PRKG2: variants seen among roughly 807,000 people sequenced by gnomAD.
PRKG2 encodes the protein protein kinase cGMP-dependent 2, also known as cGMP-dependent protein kinase 2.
Under a neutral mutation model 97.2 loss-of-function variants are expected in PRKG2, and 33 were observed. The ratio of observed to expected loss-of-function variants is 0.34; its 90% CI spans 0.26 to 0.45. The LOEUF (loss-of-function observed/expected upper bound fraction) is 0.45, where lower values mean the gene tolerates loss of function less well. Ranked by LOEUF, PRKG2 falls within the 20% of genes least tolerant of loss-of-function variation. The pLI is 1.00. For synonymous variants in PRKG2, 330 were observed against 321.8 expected, an observed-to-expected ratio of 1.03 and a Z score of -0.27; for missense variants, 638 against 900.0, an observed-to-expected ratio of 0.71 and a Z score of 3.73.
rs151098655 is a variant in PRKG2, at chr4:81,171,718, T to G, written c.715A>C (p.Asn239His). The G allele has an allele frequency of 6.2e-7, 1 of 1,609,414 alleles. No homozygotes were observed. The highest frequency in any genetic ancestry group is 8.5e-7 in the Non-Finnish European group (1 of 1,177,902). ...TTCACAGAGGCAGTCCTTGTACAAT[T>G]GTATAAAATGGCAAGCTCCCCAAAT... Reference protein sequence around the residue: ...TTFGELAILYNCTRTASVKAI... With the variant: ...TTFGELAILYHCTRTASVKAI... Residue 239 changes from asparagine to histidine, a missense_variant, in exon 4 of 19, where the codon AAT becomes CAT. By Grantham distance (68) the Asn-to-His change is moderately conservative. Transcript: ENST00000264399.
intron 5 of PRKG2, among the ~76,000 whole-genome samples, chr4:81,169,254 T>C (rs1750253343): frequency 2.0e-5 from 3 of 152,006 alleles, no homozygotes; most frequent in Non-Finnish European, 4.4e-5. Flanking sequence ...GTAAAGCAAA[T>C]AAGCATAGTA....
At chr4:81,099,412 G>A (rs532767919) in intron 17 of PRKG2, among the ~76,000 whole-genome samples, 32 of 152,150 alleles carry the variant, frequency 2.1e-4, no homozygotes, top group Admixed American at 1.0e-3. Flanking sequence ...TTCAATATAC[G>A]CAAATCAATA....
chr4:81,117,931 A>T (rs1305682524), intron 14 of PRKG2, among the ~76,000 whole-genome samples: 4 of 152,146 alleles, frequency 2.6e-5, no homozygotes, highest in African/African-American at 9.7e-5. Flanking sequence ...ACAGGTATCC[A>T]CCGCTGCAGT....
chr4:81,215,930 T>G (rs1472033358), upstream of PRKG2, among the ~76,000 whole-genome samples: 4 of 152,006 alleles, frequency 2.6e-5, no homozygotes, highest in African/African-American at 9.7e-5. Flanking sequence ...TAAATATATA[T>G]GTACACCCCA....
rs1431543000 is a variant in PRKG2, at chr4:81,166,084, T to A, written c.912+1077A>T. ...AGCAATCTTCTTGAAAATGACTTCA[T>A]ATCTGAACCCCCTGGGGCCACACGG... On this transcript the variant is annotated intron_variant, in intron 6 of 18. Transcript: ENST00000264399. Among the ~76,000 whole-genome samples, 5 of 152,272 alleles carry A rather than the reference T, an allele frequency of 3.3e-5. No individual in the cohort carries two copies. The East Asian group carries it at 7.7e-4, about 24-fold the overall frequency.
chr4:81,165,268 A>G (rs765029969), intron 6 of PRKG2, among the ~76,000 whole-genome samples: 25 of 152,122 alleles, frequency 1.6e-4, no homozygotes, highest in Non-Finnish European at 2.1e-4. Flanking sequence ...TCAACCGTCT[A>G]AGTTTCAACA....
intron 10 of PRKG2, 112 bp downstream of exon 10, chr4:81,144,120 T>A: frequency 1.2e-6 from 1 of 852,276 alleles, no homozygotes; most frequent in East Asian, 2.5e-5. Flanking sequence ...CAGAATTTTC[T>A]AGTGAAGGCA....
intron 5 of PRKG2, among the ~76,000 whole-genome samples, chr4:81,169,277 T>G (rs550425973): frequency 6.6e-6 from 1 of 152,154 alleles, no homozygotes; most frequent in East Asian, 1.9e-4. Flanking sequence ...TTTAATTAAT[T>G]TTAATACCAT....
At chr4:81,193,140 CCTAT>C (rs1578506883) in intron 2 of PRKG2, 3 of 152,140 alleles carry the variant, frequency 2.0e-5, no homozygotes, top group African/African-American at 7.2e-5. Flanking sequence ...TTCCTTCATC[CCTAT>C]CTATCAAGGA....
intron 14 of PRKG2, among the ~76,000 whole-genome samples, chr4:81,134,863 T>C (rs1746517871): frequency 6.6e-6 from 1 of 152,154 alleles, no homozygotes; most frequent in Admixed American, 6.6e-5. Context: ...AATTTAAAAA[T>C]AGTTAAAATT....
chr4:81,159,522 T>C (rs953718016), intron 6 of PRKG2, among the ~76,000 whole-genome samples: 2 of 152,074 alleles, frequency 1.3e-5, no homozygotes, highest in Non-Finnish European at 2.9e-5. Context: ...GACTGTAAAC[T>C]AGTTCAACCA....
chr4:81,211,202 T>C (rs788863), intron 1 of PRKG2, among the ~76,000 whole-genome samples: 58,712 of 152,034 alleles, frequency 0.39, 13,473 homozygotes, highest in African/African-American at 0.65. Context: ...TTAATAATAA[T>C]GCATCAATAT....
At chr4:81,130,331 C>T (rs1244591359) in intron 14 of PRKG2, among the ~76,000 whole-genome samples, 1 of 152,182 alleles carries the variant, frequency 6.6e-6, no homozygotes, top group Non-Finnish European at 1.5e-5. Context: ...TGCAGAACAG[C>T]AAAGATTGCT....
intron 2 of PRKG2, among the ~76,000 whole-genome samples, chr4:81,196,777 A>G (rs1255266010): frequency 6.6e-6 from 1 of 152,038 alleles, no homozygotes; most frequent in Non-Finnish European, 1.5e-5. Context: ...GAAAGAAAGA[A>G]AGAAAGAAAC....
intron 2 of PRKG2, among the ~76,000 whole-genome samples, chr4:81,201,665 CTG>C (rs1331866653): frequency 6.6e-6 from 1 of 152,130 alleles, no homozygotes; most frequent in African/African-American, 2.4e-5. Flanking sequence ...TCATAGAATA[CTG>C]TGTCATGAAT....
rs200587856 is a variant in PRKG2, at chr4:81,105,965, A to T, written c.1941-30T>A. The T allele has an allele frequency of 2.9e-5, 46 of 1,597,218 alleles. No individual in the cohort carries two copies. In the Admixed American group the frequency reaches 3.1e-4, roughly 11 times the overall value. On this transcript the variant is annotated intron_variant, in intron 15 of 18. Transcript: ENST00000264399. ...ATAGAGAAAATCCAGAACAGGACACATTAATAACAGGGTCTGAGATCACAT... is the reference window on the plus strand; with the variant it reads ...ATAGAGAAAATCCAGAACAGGACACTTTAATAACAGGGTCTGAGATCACAT...
intron 7 of PRKG2, among the ~76,000 whole-genome samples, chr4:81,152,344 T>C (rs1748488457): frequency 6.6e-6 from 1 of 152,174 alleles, no homozygotes; most frequent in African/African-American, 2.4e-5. Context: ...ATCCAGTGAT[T>C]CCTTCTGAGA....
rs757840555 is a variant in PRKG2 at position 81,140,691 on chromosome 4, A to G, written c.1408-22T>C. ...TAACCTATGTAAGAAATGGAAAGAT[A>G]CCTCAAAATTAACTTATATCTATAT... On this transcript the variant is annotated intron_variant, in intron 11 of 18. Coordinates refer to ENST00000264399, the MANE Select transcript of PRKG2 (RefSeq NM_006259.3). The G allele has an allele frequency of 5.1e-6, 8 of 1,580,954 alleles. No homozygotes were observed. In the South Asian group the frequency reaches 8.9e-5, roughly 18 times the overall value.
At chr4:81,154,467 C>T (rs1443640987) in intron 6 of PRKG2, among the ~76,000 whole-genome samples, 1 of 149,900 alleles carries the variant, frequency 6.7e-6, no homozygotes, top group Non-Finnish European at 1.5e-5. Flanking sequence ...TGACCCTGAC[C>T]CCCGAGCAGC....
Sources: allele counts gnomAD v4.1 joint callset (sites outside exome capture counted in the v4.1 genomes callset), GRCh38; gene constraint gnomAD v4.1.1; transcripts MANE v1.5; gene names NCBI Gene and HGNC (gene_info 2026-07-23, HGNC 2026-07-21).